Variants in C14orf132 observed in about 807,000 individuals in gnomAD.
C14orf132 encodes the protein uncharacterized protein C14orf132.
C14orf132 carries 6 observed loss-of-function variants against 5.8 expected under a neutral mutation model. That is an observed-to-expected ratio of 1.03 (90% CI 0.57 to 2.04). The LOEUF is 2.04. Ranked by LOEUF, C14orf132 falls within the 30% of genes most tolerant of loss-of-function variation. The pLI, the probability that C14orf132 is intolerant of heterozygous loss-of-function variation, is 0.00. For synonymous variants in C14orf132, 51 were observed against 49.8 expected, an observed-to-expected ratio of 1.02 and a Z score of -0.10; for missense variants, 125 against 115.8, an observed-to-expected ratio of 1.08 and a Z score of -0.37.
At chr14:96,082,855 A>T (rs189673998) in intron 1 of C14orf132, among the ~76,000 whole-genome samples, 66 of 152,322 alleles carry the variant, frequency 4.3e-4, no homozygotes, top group African/African-American at 1.5e-3. Context: ...TGCTTGCAAC[A>T]ATCTCGCTGG....
chr14:96,086,545 C>T lies in C14orf132; in HGVS notation c.62C>T (p.Pro21Leu). Residue 21 changes from proline (P) to leucine (L), a missense_variant, in exon 2 of 2, where the codon CCC becomes CTC. Coordinates refer to ENST00000555004, the MANE Select transcript of C14orf132 (RefSeq NM_001252507.3). ...ATGGGGGGAGCTTTCATGGACTCGC[C>T]CAACGAGGACTTCAGCACCGAGTAC... ...PMMGGAFMDSPNEDFSTEYSL... is the reference protein window; with the variant it reads ...PMMGGAFMDSLNEDFSTEYSL... The T allele has an allele frequency of 6.5e-7, 1 of 1,536,124 alleles. No individual in the cohort carries two copies. The highest frequency in any genetic ancestry group is 8.7e-7 in the Non-Finnish European group (1 of 1,146,902).
intron 1 of C14orf132, among the ~76,000 whole-genome samples, chr14:96,078,498 C>G (rs1050215216): frequency 1.3e-5 from 2 of 152,192 alleles, no homozygotes; most frequent in Non-Finnish European, 2.9e-5. Flanking sequence ...CAGCTGTTGC[C>G]GCCTTCTTGC....
Position 96,051,433 on chromosome 14 carries a change from G to A in C14orf132, c.27+11906G>A, listed in dbSNP as rs1043075711. ...TGCCGGGAGCAGGTTGCTCCAGCCTGAGGCCCACGCAGTTTGCCAGCCTTC... is the reference window on the plus strand; with the variant it reads ...TGCCGGGAGCAGGTTGCTCCAGCCTAAGGCCCACGCAGTTTGCCAGCCTTC... On this transcript the variant is annotated intron_variant, in intron 1 of 1. Coordinates refer to ENST00000555004, the MANE Select transcript of C14orf132 (RefSeq NM_001252507.3). Among the ~76,000 whole-genome samples the A allele has an allele frequency of 4.6e-5, 7 of 152,226 alleles. No homozygotes were observed. In the East Asian group the frequency reaches 5.8e-4, roughly 13 times the overall value.
At chr14:96,080,193 C>T (rs893621534) in intron 1 of C14orf132, among the ~76,000 whole-genome samples, 3 of 152,148 alleles carry the variant, frequency 2.0e-5, no homozygotes, top group Non-Finnish European at 4.4e-5. Context: ...TTAGATGTCA[C>T]CCCATCCAAG....
At chr14:96,052,739 G>A (rs143760721) in intron 1 of C14orf132, among the ~76,000 whole-genome samples, 75 of 150,312 alleles carry the variant, frequency 5.0e-4, no homozygotes, top group African/African-American at 1.4e-3. Flanking sequence ...AGTCCCCAGC[G>A]CCCCTCTCTT....
At chr14:96,051,779 C>T (rs1411526367) in intron 1 of C14orf132, among the ~76,000 whole-genome samples, 2 of 152,176 alleles carry the variant, frequency 1.3e-5, no homozygotes, top group African/African-American at 4.8e-5. Context: ...TTAGGCAGGG[C>T]CAGCCGTGCA....
intron 1 of C14orf132, among the ~76,000 whole-genome samples, chr14:96,054,736 T>C (rs1887130451): frequency 6.6e-6 from 1 of 152,208 alleles, no homozygotes; most frequent in Non-Finnish European, 1.5e-5. Flanking sequence ...CAAATGCACA[T>C]TCTCTCTAAA....
intron 1 of C14orf132, among the ~76,000 whole-genome samples, chr14:96,075,788 T>C (rs181831624): frequency 1.9e-4 from 29 of 152,332 alleles, no homozygotes; most frequent in African/African-American, 6.7e-4. Flanking sequence ...TCTCTATATA[T>C]TGCTGGATTT....
rs1382797559 is a variant in C14orf132, at chr14:96,087,842, A to G, written c.*1107A>G. 1 of 152,136 alleles carries G rather than the reference A, an allele frequency of 6.6e-6. No homozygotes were observed. Among genetic ancestry groups the G allele is most frequent in the African/African-American group, 2.4e-5 (1 of 41,410 alleles). 9.4% of individuals were successfully genotyped at this position (152,136 alleles called of 1,614,324 possible). A position where few individuals can be genotyped will look rare whatever the true frequency, so the allele number is the denominator to read the frequency against. On this transcript the variant is annotated 3_prime_UTR_variant, in exon 2 of 2. Transcript: ENST00000555004. ...AAGCCACTTCCTTAAATTCTGAAAT[A>G]TCAGCATCTGGGGTCCTGGCAAGCA... is the stretch of plus-strand genomic sequence containing the variant.
intron 1 of C14orf132, among the ~76,000 whole-genome samples, chr14:96,041,120 T>G (rs907320024): frequency 6.6e-6 from 1 of 152,200 alleles, no homozygotes; most frequent in African/African-American, 2.4e-5. Flanking sequence ...ACTCGGTCAA[T>G]GTATTCTCCT....
At chr14:96,040,040 C>T (rs1389425304) in intron 1 of C14orf132, among the ~76,000 whole-genome samples, 3 of 152,012 alleles carry the variant, frequency 2.0e-5, no homozygotes, top group Non-Finnish European at 4.4e-5. Context: ...GACCGTGACC[C>T]GCCAAGCGTC....
Position 96,066,720 on chromosome 14 carries a change from A to G in C14orf132, c.28-19791A>G, listed in dbSNP as rs1033436681. On this transcript the variant is annotated intron_variant, in intron 1 of 1. Transcript: ENST00000555004. ...AGAAAAATAGACAAGTACACAGTTA[A>G]CTATAATGTAATGTGAGTACACATC... Among the ~76,000 whole-genome samples, 4 of 152,226 alleles carry G rather than the reference A, an allele frequency of 2.6e-5. No individual in the cohort carries two copies. The East Asian group carries it at 7.7e-4, about 29-fold the overall frequency.
chr14:96,060,902 C>G (rs977112439), intron 1 of C14orf132, among the ~76,000 whole-genome samples: 1 of 152,208 alleles, frequency 6.6e-6, no homozygotes, highest in African/African-American at 2.4e-5. Context: ...CTGCCCATTT[C>G]CATAGCCCAT....
Position 96,091,608 on chromosome 14 carries a change from C to T in C14orf132, c.*4873C>T, listed in dbSNP as rs1888408681. 2 of 154,654 alleles carry T rather than the reference C, an allele frequency of 1.3e-5. No individual in the cohort carries two copies. The highest frequency in any genetic ancestry group is 2.4e-5 in the African/African-American group (1 of 41,442). 9.6% of individuals were successfully genotyped at this position (154,654 alleles called of 1,614,324 possible). A position where few individuals can be genotyped will look rare whatever the true frequency, so the allele number is the denominator to read the frequency against. ...TCCTGGCAGATGCCCAGTGATTGTC[C>T]CCGAGCAAGTGCCAGGGTTGGGCTG... On this transcript the variant is annotated 3_prime_UTR_variant, in exon 2 of 2. Coordinates refer to ENST00000555004, the MANE Select transcript of C14orf132 (RefSeq NM_001252507.3).
chr14:96,051,227 C>G (rs1887017471), intron 1 of C14orf132: 1 of 398,550 alleles, frequency 2.5e-6, no homozygotes, highest in African/African-American at 2.1e-5. Context: ...TTCCAGGTAT[C>G]CTGTGACAGG....
intron 1 of C14orf132, among the ~76,000 whole-genome samples, chr14:96,068,136 A>G (rs1030484463): frequency 3.3e-5 from 5 of 152,236 alleles, no homozygotes; most frequent in African/African-American, 1.2e-4. Flanking sequence ...ACTGATACCC[A>G]GTAGCAAATC....
chr14:96,080,834 C>G (rs1566835451), intron 1 of C14orf132, among the ~76,000 whole-genome samples: 1 of 152,184 alleles, frequency 6.6e-6, no homozygotes, highest in Non-Finnish European at 1.5e-5. Flanking sequence ...GGCAGGGACC[C>G]CAAGCCTGGG....
chr14:96,056,539 A>C (rs952551242), intron 1 of C14orf132, among the ~76,000 whole-genome samples: 2 of 152,178 alleles, frequency 1.3e-5, no homozygotes, highest in African/African-American at 4.8e-5. Context: ...ACTTGAGCAC[A>C]TCACCCATCT....
At chr14:96,080,593 T>C (rs1888000288) in intron 1 of C14orf132, among the ~76,000 whole-genome samples, 1 of 152,236 alleles carries the variant, frequency 6.6e-6, no homozygotes, top group African/African-American at 2.4e-5. Flanking sequence ...TTCCTTTCTC[T>C]GTAGAGGTGG....
Sources: gnomAD v4.1 joint callset for allele counts (sites outside exome capture counted in the v4.1 genomes callset) on GRCh38, gnomAD v4.1.1 for gene constraint, MANE v1.5 for transcripts, NCBI Gene and HGNC (gene_info 2026-07-23, HGNC 2026-07-21) for gene names.